Variants in PLSCR1 observed in about 807,000 individuals in gnomAD.
PLSCR1 encodes PL scramblase 1.
A neutral mutation model predicts 37.8 loss-of-function variants in PLSCR1; 17 were observed. The ratio of observed to expected loss-of-function variants is 0.45; its 90% confidence interval spans 0.31 to 0.68. PLSCR1 has a LOEUF of 0.68. PLSCR1 is among the 30% of genes least tolerant of loss of function. PLSCR1 has a pLI of 0.06. For missense variants in PLSCR1, 347 were observed against 380.9 expected (o/e 0.91, Z 0.74); for synonymous variants, 116 against 125.9 (o/e 0.92, Z 0.53).
intron 1 of PLSCR1, 55 bp from the exon 2 acceptor site, chr3:146,536,620 TAACAG>T: frequency 9.7e-7 from 1 of 1,028,912 alleles, no homozygotes; most frequent in South Asian, 1.3e-5. Flanking sequence ...AAGTCAAATA[TAACAG>T]TTGAATCGGG....
intron 3 of PLSCR1, among the ~76,000 whole-genome samples, chr3:146,532,024 A>G (rs188958537): frequency 3.9e-4 from 60 of 152,306 alleles, no homozygotes; most frequent in African/African-American, 1.3e-3. Context: ...CATTTAAAAC[A>G]ATGACTAAAG....
chr3:146,536,346 C>A (rs57618120), intron 2 of PLSCR1, among the ~76,000 whole-genome samples, 194 bp downstream of exon 2: 1 of 152,108 alleles, frequency 6.6e-6, no homozygotes, highest in Non-Finnish European at 1.5e-5. Context: ...TAATGAAGAA[C>A]CTAGTGATAG....
At chr3:146,519,278 A>C (rs528282162) in intron 7 of PLSCR1, among the ~76,000 whole-genome samples, 17 of 152,248 alleles carry the variant, frequency 1.1e-4, no homozygotes, top group African/African-American at 3.6e-4. Context: ...ATTGAATACT[A>C]ATGAAAATCT....
chr3:146,536,029 ATTAC>A (rs1169393145), intron 2 of PLSCR1, among the ~76,000 whole-genome samples: 1 of 152,142 alleles, frequency 6.6e-6, no homozygotes, highest in East Asian at 1.9e-4. Flanking sequence ...ACAGTCTTTT[ATTAC>A]TTGCTTGATA....
intron 5 of PLSCR1, among the ~76,000 whole-genome samples, chr3:146,524,800 T>C (rs1394517732): frequency 1.3e-5 from 2 of 152,244 alleles, no homozygotes; most frequent in African/African-American, 4.8e-5. Context: ...ATTATTCTGC[T>C]TATACAATTC....
At chr3:146,520,876 C>T (rs1023128671) in intron 7 of PLSCR1, among the ~76,000 whole-genome samples, 20 of 152,136 alleles carry the variant, frequency 1.3e-4, no homozygotes, top group African/African-American at 4.3e-4. Flanking sequence ...AGTTATAAAA[C>T]CTTCTGATTT....
intron 7 of PLSCR1, among the ~76,000 whole-genome samples, chr3:146,520,516 C>T (rs950487092): frequency 3.9e-5 from 6 of 152,088 alleles, no homozygotes; most frequent in African/African-American, 1.4e-4. Flanking sequence ...ATTATATAAT[C>T]CCCTTATAAG....
At chr3:146,541,197 A>T (rs2044334105) in intron 1 of PLSCR1, 1 of 152,192 alleles carries the variant, frequency 6.6e-6, no homozygotes, top group Admixed American at 6.5e-5. Context: ...AAACAAAACA[A>T]ATATGCTTAA....
intron 2 of PLSCR1, among the ~76,000 whole-genome samples, chr3:146,536,265 AAT>A (rs2044263110): frequency 6.6e-6 from 1 of 152,214 alleles, no homozygotes; most frequent in South Asian, 2.1e-4. Flanking sequence ...TTGTGGTTTA[AAT>A]ATATGTTACA....
At position 146,521,915 on chromosome 3, in the gene PLSCR1, A is replaced by G. The variant is rs780519921; in HGVS notation, c.494T>C (p.Ile165Thr). Residue 165 changes from isoleucine to threonine, a missense_variant, in exon 6 of 9, where the codon ATT becomes ACT. Ile to Thr is a moderately conservative substitution (Grantham distance 89, BLOSUM62 -1). Coordinates refer to ENST00000342435, the MANE Select transcript of PLSCR1 (RefSeq NM_021105.3). ...GPSRPFTLRIIDNMGQEVITL... is the reference protein window; with the variant it reads ...GPSRPFTLRITDNMGQEVITL... Reference sequence around the variant, plus strand: ...TATGACTTCTTGACCCATATTATCAATAATCCTCAAGGTAAAAGGTCTAGA... The same window carrying G: ...TATGACTTCTTGACCCATATTATCAGTAATCCTCAAGGTAAAAGGTCTAGA... The G allele has an allele frequency of 1.9e-6, 3 of 1,613,776 alleles. No homozygotes were observed. Among genetic ancestry groups the G allele is most frequent in the Admixed American group, 3.3e-5 (2 of 60,020 alleles).
chr3:146,522,618 T>C (rs1438281720), intron 5 of PLSCR1, among the ~76,000 whole-genome samples: 2 of 152,118 alleles, frequency 1.3e-5, no homozygotes, highest in African/African-American at 2.4e-5. Context: ...CCCCATGTGA[T>C]AGTCTGAAAT....
At chr3:146,517,953 A>T (rs1403740850) in intron 7 of PLSCR1, among the ~76,000 whole-genome samples, 1 of 152,218 alleles carries the variant, frequency 6.6e-6, no homozygotes, top group Non-Finnish European at 1.5e-5. Flanking sequence ...TTGTATTAAC[A>T]GAGGAGTGTC....
At chr3:146,542,187 T>A (rs2044346027) in intron 1 of PLSCR1, among the ~76,000 whole-genome samples, 2 of 152,198 alleles carry the variant, frequency 1.3e-5, no homozygotes, top group South Asian at 4.1e-4. Flanking sequence ...GTAGGCTATC[T>A]GCCACCTCAC....
chr3:146,521,286 G>A (rs2044016184), intron 7 of PLSCR1, among the ~76,000 whole-genome samples: 1 of 152,106 alleles, frequency 6.6e-6, no homozygotes, highest in African/African-American at 2.4e-5. Flanking sequence ...AAACCACCAC[G>A]TTTAAGTGAG....
In PLSCR1 at chr3:146,528,803, C is replaced by T; in HGVS notation, c.123G>A (p.Gly41=). The change falls in exon 4 of 9, where the codon GGG becomes GGA. Residue 41 remains glycine (G), a synonymous_variant. Transcript: ENST00000342435. ...GTGGGGGTGGGTAGCTGACCTGGGG[C>T]CCAGGGTAGCCACTATATCCTGGAG... ...QGPPGYSGYP[G]PQVSYPPPPA... 1.2e-6 allele frequency: 2 copies of T among 1,613,086 alleles called. No individual in the cohort carries two copies. Among genetic ancestry groups the T allele is most frequent in the South Asian group, 1.1e-5 (1 of 91,066 alleles).
intron 1 of PLSCR1, among the ~76,000 whole-genome samples, chr3:146,541,708 C>T (rs1412925545): frequency 6.6e-6 from 1 of 152,166 alleles, no homozygotes; most frequent in Non-Finnish European, 1.5e-5. Flanking sequence ...AGGCCAGGTG[C>T]TATGGTTAGA....
chr3:146,543,777 G>C (rs1040288969), intron 1 of PLSCR1, among the ~76,000 whole-genome samples: 1 of 152,192 alleles, frequency 6.6e-6, no homozygotes, highest in Non-Finnish European at 1.5e-5. Context: ...TCATTTAATA[G>C]TTACACAATT....
rs372782828 is a variant in PLSCR1 at position 146,538,394 on chromosome 3, C to T, written c.-13-1829G>A. On this transcript the variant is annotated intron_variant, in intron 1 of 8. Coordinates refer to ENST00000342435, the MANE Select transcript of PLSCR1 (RefSeq NM_021105.3). ...AAAATGCCAATTTTTTAAAAATATG[C>T]GAAGAGTACTTTAACAGATATATCA... 6.3e-3 allele frequency among the ~76,000 whole-genome samples: 958 copies of T among 152,182 alleles called. 13 individuals carry two copies. The highest frequency in any genetic ancestry group is 0.021 in the African/African-American group (876 of 41,540).
chr3:146,517,150 T>C lies in PLSCR1; in HGVS notation c.756A>G (p.Glu252=). Residue 252 remains glutamate (E), a synonymous_variant, in exon 8 of 9, where the codon GAA becomes GAG. Coordinates refer to ENST00000342435, the MANE Select transcript of PLSCR1 (RefSeq NM_021105.3). ...DVDFEIKSLD[E]QCVVGKISKH... ...TGGAAATTTTGCCAACCACACACTG[T>C]TCATCAAGAGATTTAATCTAAATTG... 1 of 1,531,772 alleles carries C rather than the reference T, an allele frequency of 6.5e-7. No homozygotes were observed. The highest frequency in any genetic ancestry group is 8.7e-7 in the Non-Finnish European group (1 of 1,143,354). 94.9% of individuals were successfully genotyped at this position (1,531,772 alleles called of 1,614,324 possible).
Sources: gnomAD v4.1 joint callset for allele counts (sites outside exome capture counted in the v4.1 genomes callset) on GRCh38, gnomAD v4.1.1 for gene constraint, MANE v1.5 for transcripts, NCBI Gene and HGNC (gene_info 2026-07-23, HGNC 2026-07-21) for gene names.